The following WWTR1 variants were observed in gnomAD, a reference collection of about 807,000 sequenced individuals.
WWTR1 encodes WW domain-containing transcription regulator protein 1.
A neutral mutation model predicts 40.1 loss-of-function variants in WWTR1; 13 were observed. That is an observed-to-expected ratio of 0.32 (90% CI 0.21 to 0.52). The LOEUF (loss-of-function observed/expected upper bound fraction) is 0.52. Among genes scored for constraint, WWTR1 ranks in the 20% least tolerant of loss-of-function variants. WWTR1 has a pLI of 0.97. For synonymous variants in WWTR1, 230 were observed against 210.1 expected, an observed-to-expected ratio of 1.09 and a Z score of -0.82; for missense variants, 436 against 523.1, an observed-to-expected ratio of 0.83 and a Z score of 1.63.
chr3:149,621,284 T>A (rs1313962028), intron 2 of WWTR1, among the ~76,000 whole-genome samples: 3 of 152,230 alleles, frequency 2.0e-5, no homozygotes, highest in Non-Finnish European at 4.4e-5. Flanking sequence ...CTTTTAAAAA[T>A]TCCAGACAGT....
chr3:149,659,271 G>GT (rs1309797705), upstream of WWTR1: 1 of 150,542 alleles, frequency 6.6e-6, no homozygotes, highest in Non-Finnish European at 1.5e-5. Context: ...GGCTGGTTAC[G>GT]TAAGTGTTTG....
intron 4 of WWTR1, among the ~76,000 whole-genome samples, chr3:149,717,853 T>G (rs1715649318): frequency 6.6e-6 from 1 of 152,042 alleles, no homozygotes; most frequent in South Asian, 2.1e-4. Flanking sequence ...TATTCACATG[T>G]TTTCTACTAC....
At chr3:149,561,809 G>C (rs546781034) in intron 3 of WWTR1, among the ~76,000 whole-genome samples, 1 of 152,316 alleles carries the variant, frequency 6.6e-6, no homozygotes, top group East Asian at 1.9e-4. Flanking sequence ...GCATGCATGT[G>C]TATGTAGAGC....
chr3:149,608,002 C>A (rs1028589003), intron 2 of WWTR1, among the ~76,000 whole-genome samples: 16 of 152,190 alleles, frequency 1.1e-4, no homozygotes, highest in Non-Finnish European at 2.1e-4. Context: ...GTCTTCAAGG[C>A]CTAAGCCAGT....
intron 2 of WWTR1, among the ~76,000 whole-genome samples, chr3:149,597,442 A>C (rs918451837): frequency 6.6e-6 from 1 of 150,772 alleles, no homozygotes; most frequent in African/African-American, 2.5e-5. Context: ...CAAAAAAAAA[A>C]AAAAAGAAGA....
chr3:149,619,753 A>G (rs1158849341), intron 2 of WWTR1, among the ~76,000 whole-genome samples: 1 of 152,198 alleles, frequency 6.6e-6, no homozygotes, highest in Non-Finnish European at 1.5e-5. Context: ...TTAGGCTTGA[A>G]CTGACTGCCA....
chr3:149,522,525 A>G (rs1163506523), intron 6 of WWTR1, among the ~76,000 whole-genome samples: 1 of 152,222 alleles, frequency 6.6e-6, no homozygotes, highest in Non-Finnish European at 1.5e-5. Flanking sequence ...ATAACGTTAA[A>G]CGAAAAAACA....
At chr3:149,649,981 C>T (rs1364474434) in intron 2 of WWTR1, 1 of 151,418 alleles carries the variant, frequency 6.6e-6, no homozygotes, top group Non-Finnish European at 1.5e-5. Flanking sequence ...AGGCTTGTCT[C>T]AAACTCTTGG....
Position 149,715,011 on chromosome 3 carries a change from G to A in WWTR1, n.584+2431C>T, listed in dbSNP as rs1014662015. On this transcript the variant is annotated intron_variant and non_coding_transcript_variant, in intron 5 of 6. Transcript: ENST00000474080. ...CCTCTCTGCTGACAGCTGAAAACTCGTCGGGACACCCTGGCTATGGAAAGA... is the reference window on the plus strand; with the variant it reads ...CCTCTCTGCTGACAGCTGAAAACTCATCGGGACACCCTGGCTATGGAAAGA... Among the ~76,000 whole-genome samples, 4 of 152,236 alleles carry A rather than the reference G, an allele frequency of 2.6e-5. No homozygotes were observed. The South Asian group carries it at 8.3e-4, about 32-fold the overall frequency.
At chr3:149,576,273 A>C in intron 2 of WWTR1, 2 of 352,612 alleles carry the variant, frequency 5.7e-6, no homozygotes, top group Non-Finnish European at 1.1e-5. Flanking sequence ...ATTTCATCTG[A>C]AAACTAAATT....
At chr3:149,589,372 G>T (rs1738590087) in intron 2 of WWTR1, among the ~76,000 whole-genome samples, 1 of 152,126 alleles carries the variant, frequency 6.6e-6, no homozygotes. Flanking sequence ...ATCAAAGGAA[G>T]AAACCTACTC....
At chr3:149,646,391 A>G (rs758567587) in intron 2 of WWTR1, among the ~76,000 whole-genome samples, 2 of 152,234 alleles carry the variant, frequency 1.3e-5, no homozygotes, top group Non-Finnish European at 2.9e-5. Flanking sequence ...ACCCTGTTCC[A>G]CAAGATAATT....
intron 2 of WWTR1, among the ~76,000 whole-genome samples, chr3:149,582,560 T>TA (rs576863232): frequency 0.093 from 13,361 of 143,008 alleles, 676 homozygotes; most frequent in East Asian, 0.14. Flanking sequence ...ATCTTATCTC[T>TA]AAAAAAAAAA....
At chr3:149,711,237 G>A (rs893957048) in intron 5 of WWTR1, among the ~76,000 whole-genome samples, 13 of 151,546 alleles carry the variant, frequency 8.6e-5, no homozygotes, top group African/African-American at 3.2e-4. Context: ...AGGCCAAGGT[G>A]GCTTGAGCCC....
chr3:149,579,572 G>T (rs910291181), intron 2 of WWTR1, among the ~76,000 whole-genome samples: 1 of 152,028 alleles, frequency 6.6e-6, no homozygotes, highest in African/African-American at 2.4e-5. Flanking sequence ...AGCACTCTGG[G>T]AGGCTGAGGC....
chr3:149,606,048 A>G (rs1397437462), intron 2 of WWTR1, among the ~76,000 whole-genome samples: 2 of 152,176 alleles, frequency 1.3e-5, no homozygotes, highest in Admixed American at 1.3e-4. Context: ...GAGGCCAGAG[A>G]GAGCTTGTTT....
chr3:149,701,105 C>T (rs1193705020), intron 1 of WWTR1, among the ~76,000 whole-genome samples: 4 of 152,126 alleles, frequency 2.6e-5, no homozygotes, highest in Admixed American at 2.0e-4. Context: ...TTTTCAATCT[C>T]TTCTCCCCTG....
In WWTR1 at chr3:149,656,792, C is replaced by A. The variant is rs888811137; in HGVS notation, c.431+84G>T. On this transcript the variant is annotated intron_variant, in intron 2 of 6. Coordinates refer to ENST00000360632, the MANE Select transcript of WWTR1 (RefSeq NM_015472.6). ...TCTCTCTCTCTCTCTCTCTCTCTCT[C>A]ACACACACACACACACACACACGAA... 84 of 811,518 alleles carry A rather than the reference C, an allele frequency of 1.0e-4. No individual in the cohort carries two copies. In the African/African-American group the frequency reaches 1.8e-3, roughly 18 times the overall value. 50.3% of individuals were successfully genotyped at this position (811,518 alleles called of 1,614,324 possible).
At chr3:149,710,880 G>A (rs1715462559) in intron 5 of WWTR1, among the ~76,000 whole-genome samples, 5 of 151,658 alleles carry the variant, frequency 3.3e-5, no homozygotes, top group South Asian at 2.1e-4. Flanking sequence ...CACCTGGCAC[G>A]TTATCCCCTT....
Sources: allele counts gnomAD v4.1 joint callset (sites outside exome capture counted in the v4.1 genomes callset), GRCh38; gene constraint gnomAD v4.1.1; transcripts MANE v1.5; gene names NCBI Gene and HGNC (gene_info 2026-07-23, HGNC 2026-07-21).